The following MAPK6 variants were observed in gnomAD, a reference collection of about 807,000 sequenced individuals.
MAPK6 encodes the protein ERK-3.
Under a neutral mutation model 59.3 loss-of-function variants are expected in MAPK6, and 19 were observed. The ratio of observed to expected loss-of-function variants is 0.32; its 90% CI spans 0.22 to 0.47. MAPK6 has a LOEUF of 0.47. Among genes scored for constraint, MAPK6 ranks in the 20% least tolerant of loss-of-function variants. MAPK6 has a pLI of 1.00. For missense variants in MAPK6, 724 were observed against 847.9 expected (o/e 0.85, Z 1.81); for synonymous variants, 316 against 290.3 (o/e 1.09, Z -0.90).
chr15:52,053,371 C>T (rs996863575), intron 3 of MAPK6, among the ~76,000 whole-genome samples: 3 of 151,860 alleles, frequency 2.0e-5, no homozygotes, highest in Middle Eastern at 3.2e-3. Flanking sequence ...CCATTGCACC[C>T]GGCCTCATTG....
chr15:51,979,407 A>G (rs1935834387), intron 1 of MAPK6, among the ~76,000 whole-genome samples: 2 of 151,798 alleles, frequency 1.3e-5, no homozygotes, highest in Non-Finnish European at 2.9e-5. Flanking sequence ...CCACACACTA[A>G]TAATTTTAGT....
At chr15:52,032,039 AT>A (rs1012730187) in intron 1 of MAPK6, among the ~76,000 whole-genome samples, 2 of 150,808 alleles carry the variant, frequency 1.3e-5, no homozygotes, top group South Asian at 2.1e-4. Context: ...CGTCTGGCTA[AT>A]TTTTTTTGTA....
chr15:51,984,471 T>G (rs2057184484), intron 2 of MAPK6, among the ~76,000 whole-genome samples: 1 of 140,102 alleles, frequency 7.1e-6, no homozygotes, highest in Non-Finnish European at 1.5e-5. Context: ...TTTTTTTTTT[T>G]TTTTTGTATT....
Position 52,064,014 on chromosome 15 carries a change from G to A in MAPK6, c.1180G>A (p.Val394Ile), listed in dbSNP as rs763310448. 1.2e-6 allele frequency: 2 copies of A among 1,613,792 alleles called. No individual in the cohort carries two copies. The highest frequency in any genetic ancestry group is 1.1e-5 in the South Asian group (1 of 91,046). ...GTCCGATGTCACTGATGAAGAAGAA[G>A]TACAAGTTGATCCCCGAAAATATTT... is the stretch of plus-strand genomic sequence containing the variant. ...ALSDVTDEEEVQVDPRKYLDG... is the reference protein window; with the variant it reads ...ALSDVTDEEEIQVDPRKYLDG... Residue 394 changes from valine to isoleucine, a missense_variant, in exon 6 of 6, where the codon GTA becomes ATA. Coordinates refer to ENST00000261845, the MANE Select transcript of MAPK6 (RefSeq NM_002748.4).
At position 52,012,746 on chromosome 15, in the gene MAPK6, T is replaced by C. The variant is rs1310626652; in HGVS notation, c.-632+8344T>C. 3.3e-5 allele frequency among the ~76,000 whole-genome samples: 5 copies of C among 151,740 alleles called. No individual in the cohort carries two copies. In the East Asian group the frequency reaches 9.7e-4, roughly 29 times the overall value. On this transcript the variant is annotated intron_variant, in intron 3 of 7. Transcript: ENST00000691380. ...GCTTACACCTGTAATCCCAGCACTT[T>C]GGGAGGCCGAGGTGGGCGGATCACA...
chr15:52,021,216 G>A (rs888897263), intron 1 of MAPK6, among the ~76,000 whole-genome samples: 1 of 152,134 alleles, frequency 6.6e-6, no homozygotes, highest in Non-Finnish European at 1.5e-5. Flanking sequence ...AGCATCGTGA[G>A]AATCATAACT....
intron 3 of MAPK6, among the ~76,000 whole-genome samples, chr15:52,058,000 C>CAATGAATTTATAGACATT (rs2032050647): frequency 6.6e-6 from 1 of 152,068 alleles, no homozygotes; most frequent in Admixed American, 6.5e-5. Context: ...TTTGAATGTT[C>CAATGAATTTATAGACATT]AATGAATTTA....
chr15:52,029,486 C>T (rs1007817369), intron 1 of MAPK6, among the ~76,000 whole-genome samples: 1 of 152,074 alleles, frequency 6.6e-6, no homozygotes, highest in Non-Finnish European at 1.5e-5. Flanking sequence ...GAATAATTCT[C>T]ATATTTATGT....
At chr15:52,062,752 A>C (rs1187939733) in intron 5 of MAPK6, among the ~76,000 whole-genome samples, 1 of 152,156 alleles carries the variant, frequency 6.6e-6, no homozygotes, top group Non-Finnish European at 1.5e-5. Context: ...GCGACAGAGC[A>C]AGACTCCGTT....
intron 3 of MAPK6, among the ~76,000 whole-genome samples, chr15:52,008,751 C>G (rs2029978008): frequency 6.6e-6 from 1 of 152,160 alleles, no homozygotes. Flanking sequence ...GGGATGGGCA[C>G]TCATAGGTTT....
At chr15:52,020,428 C>T (rs151058661) in intron 1 of MAPK6, among the ~76,000 whole-genome samples, 1 of 151,466 alleles carries the variant, frequency 6.6e-6, no homozygotes, top group African/African-American at 2.4e-5. Context: ...AATTCGTGTT[C>T]ATTGCTAAAG....
At chr15:52,038,465 T>A (rs2031312981) in intron 1 of MAPK6, among the ~76,000 whole-genome samples, 4 of 152,208 alleles carry the variant, frequency 2.6e-5, no homozygotes, top group Admixed American at 2.6e-4. Flanking sequence ...ATAGTCTTAC[T>A]TTTCTCTGCT....
intron 1 of MAPK6, among the ~76,000 whole-genome samples, chr15:51,973,097 T>C (rs1438277147): frequency 6.6e-6 from 1 of 151,896 alleles, no homozygotes; most frequent in East Asian, 1.9e-4. Context: ...CAAGCAACAA[T>C]GAATATTTAG....
chr15:52,058,825 G>C (rs1436517133), intron 4 of MAPK6, 28 bp downstream of exon 4: 1 of 1,571,706 alleles, frequency 6.4e-7, no homozygotes, highest in Non-Finnish European at 8.7e-7. Context: ...TAACCCTCAC[G>C]TTAATGCCTG....
chr15:52,014,054 A>T (rs151287612), intron 3 of MAPK6, among the ~76,000 whole-genome samples: 66 of 149,052 alleles, frequency 4.4e-4, no homozygotes, highest in Middle Eastern at 3.5e-3. Flanking sequence ...GTCTTTGTAC[A>T]TTCTTTCATC....
rs924853985 is a variant in MAPK6 at position 51,998,351 on chromosome 15, CCCA to C, written c.-769-5906_-769-5904del. Among the ~76,000 whole-genome samples the C allele has an allele frequency of 6.6e-5, 10 of 151,406 alleles. No homozygotes were observed. In the South Asian group the frequency reaches 1.3e-3, roughly 19 times the overall value. ...TCCCAAGTAGCTGGGATTACAGGCG[CCCA>C]CCACCACAGCTGGCTAATTTTTGTA... On this transcript the variant is annotated intron_variant, in intron 2 of 7. Coordinates refer to the MAPK6 transcript ENST00000691380.
intron 1 of MAPK6, among the ~76,000 whole-genome samples, chr15:51,977,877 G>A (rs895496754): frequency 3.3e-5 from 5 of 151,856 alleles, no homozygotes; most frequent in Admixed American, 1.3e-4. Flanking sequence ...AGGAGCCCAG[G>A]CCACAAGTGC....
At chr15:52,021,277 G>C (rs756421628) in intron 1 of MAPK6, among the ~76,000 whole-genome samples, 4 of 152,108 alleles carry the variant, frequency 2.6e-5, no homozygotes, top group Non-Finnish European at 5.9e-5. Flanking sequence ...AAGGGGATGG[G>C]GGTCGGGTAG....
At chr15:52,040,122 T>C (rs2031372183) in intron 1 of MAPK6, among the ~76,000 whole-genome samples, 1 of 152,238 alleles carries the variant, frequency 6.6e-6, no homozygotes, top group African/African-American at 2.4e-5. Context: ...GCACTTGGCC[T>C]TCTCTGCCCG....
Sources: allele counts gnomAD v4.1 joint callset (sites outside exome capture counted in the v4.1 genomes callset), GRCh38; gene constraint gnomAD v4.1.1; transcripts MANE v1.5; gene names NCBI Gene and HGNC (gene_info 2026-07-23, HGNC 2026-07-21).